Variants in SAFB observed in about 807,000 individuals in gnomAD.
SAFB encodes the protein scaffold attachment factor B, also known as scaffold attachment factor B1.
A neutral mutation model predicts 101.6 loss-of-function variants in SAFB; 15 were observed. That is an observed-to-expected ratio of 0.15 (90% CI 0.10 to 0.23). The LOEUF (loss-of-function observed/expected upper bound fraction) is 0.23, where lower values mean the gene tolerates loss of function less well. Among genes scored for constraint, SAFB ranks in the 10% least tolerant of loss-of-function variants. The probability of loss-of-function intolerance (pLI) is 1.00; values close to 1 mark genes in which losing one functional copy is unlikely to be tolerated. For synonymous variants in SAFB, 449 were observed against 407.5 expected, an observed-to-expected ratio of 1.10 and a Z score of -1.23; for missense variants, 930 against 1,104.1, an observed-to-expected ratio of 0.84 and a Z score of 2.23.
intron 4 of SAFB, among the ~76,000 whole-genome samples, chr19:5,644,158 A>G (rs1301283396): frequency 6.6e-6 from 1 of 151,806 alleles, no homozygotes; most frequent in African/African-American, 2.4e-5. Context: ...ACCTATTGAT[A>G]CTGTTGTCTA....
At position 5,626,392 on chromosome 19, in the gene SAFB, C is replaced by T; in HGVS notation, c.190-13C>T. ...GACTTTTTGGATCAACTTTACTTTT[C>T]CCTTCTTTTTAGGCAATTGAAGATG... On this transcript the variant is annotated splice_polypyrimidine_tract_variant and intron_variant, in intron 1 of 20. Transcript: ENST00000588852. 1 of 1,532,874 alleles carries T rather than the reference C, an allele frequency of 6.5e-7. No homozygotes were observed. Among genetic ancestry groups the T allele is most frequent in the Non-Finnish European group, 9.0e-7 (1 of 1,106,382 alleles). 95.0% of individuals were successfully genotyped at this position (1,532,874 alleles called of 1,614,324 possible). A position where few individuals can be genotyped will look rare whatever the true frequency, so the allele number is the denominator to read the frequency against.
chr19:5,628,167 C>T (rs918573265), intron 2 of SAFB, among the ~76,000 whole-genome samples: 5 of 152,052 alleles, frequency 3.3e-5, no homozygotes, highest in Admixed American at 1.3e-4. Flanking sequence ...AGGAGAATTG[C>T]CTGAACCCAG....
At chr19:5,627,944 A>G (rs887581202) in intron 2 of SAFB, among the ~76,000 whole-genome samples, 1 of 152,106 alleles carries the variant, frequency 6.6e-6, no homozygotes, top group African/African-American at 2.4e-5. Flanking sequence ...ACACTCAACT[A>G]TTGGCTTAAG....
rs1231570592 is a variant in SAFB, at chr19:5,668,220, A to G, written c.2683A>G (p.Met895Val). 6 of 1,610,096 alleles carry G rather than the reference A, an allele frequency of 3.7e-6. No individual in the cohort carries two copies. Among genetic ancestry groups the G allele is most frequent in the Non-Finnish European group, 5.1e-6 (6 of 1,179,172 alleles). ...SRGHPIPHGG[M>V]QGGFGGQSRG... is the part of the protein sequence containing the mutation. ...GGGCCACCCCATCCCACACGGTGGC[A>G]TGCAGGGCGGGTTTGGAGGCCAGAG... Residue 895 changes from methionine (M) to valine (V), a missense_variant, in exon 21 of 21, where the codon ATG (methionine) becomes GTG (valine). Physicochemically the swap from Met to Val is conservative, Grantham distance 21 (BLOSUM62 1). Coordinates refer to ENST00000588852, the MANE Select transcript of SAFB (RefSeq NM_001201338.2).
chr19:5,663,889 C>A, intron 15 of SAFB, 133 bp from the exon 16 acceptor site: 2 of 947,432 alleles, frequency 2.1e-6, no homozygotes, highest in Non-Finnish European at 1.6e-6. Context: ...TCAGACCTTG[C>A]CTCCTATAGG....
At position 5,667,707 on chromosome 19, in the gene SAFB, G is replaced by T; in HGVS notation, c.2558-113G>T. The T allele has an allele frequency of 9.9e-7, 1 of 1,010,684 alleles. No homozygotes were observed. The allele number at this position is 1,010,684 out of a possible 1,614,324, so 62.6% of individuals were successfully genotyped here. On this transcript the variant is annotated intron_variant, in intron 19 of 20. Transcript: ENST00000588852. This position sits in a 1 kb window ranked among gnomAD's most constrained non-coding sequence, Gnocchi z 4.0. ...GTGCCCAGGTGTCTTCCTGGGACCC[G>T]CTAGTTGTGGGTACCTGGGGGCCTC...
At chr19:5,633,122 A>G (rs1410281594) in intron 2 of SAFB, among the ~76,000 whole-genome samples, 3 of 152,090 alleles carry the variant, frequency 2.0e-5, no homozygotes, top group Admixed American at 6.5e-5. Flanking sequence ...CTGTCTATTC[A>G]TTTATTCTGG....
chr19:5,638,912 C>T (rs757579655), intron 2 of SAFB, among the ~76,000 whole-genome samples: 23 of 150,002 alleles, frequency 1.5e-4, no homozygotes, highest in African/African-American at 2.2e-4. Flanking sequence ...AGTAGAGACG[C>T]GGTTTTGCCA....
rs760238335 is a variant in SAFB, at chr19:5,667,080, A to G, written c.2369A>G (p.His790Arg). The G allele has an allele frequency of 6.2e-7, 1 of 1,612,494 alleles. No homozygotes were observed. The highest frequency in any genetic ancestry group is 1.7e-5 in the Admixed American group (1 of 60,006). Residue 790 changes from histidine to arginine, a missense_variant, in exon 18 of 21, where the codon CAC (histidine) becomes CGC (arginine). This residue lies in a region of SAFB where 318 missense variants were observed against 342.6 expected (regional missense o/e 0.93). Transcript: ENST00000588852. The surrounding 1 kb of genome is among the most constrained non-coding windows in gnomAD (Gnocchi z 4.0). ...YPERHGGPERHGRDSRDGWGG... is the reference protein window; with the variant it reads ...YPERHGGPERRGRDSRDGWGG... The stretch of plus-strand genomic sequence containing the variant: ...GAACGCCATGGAGGACCAGAGCGCC[A>G]CGGCCGGGACTCCCGCGATGGCTGG...
chr19:5,656,659 T>C (rs942089407), intron 13 of SAFB, among the ~76,000 whole-genome samples: 3 of 150,426 alleles, frequency 2.0e-5, no homozygotes, highest in East Asian at 2.0e-4. Context: ...TCACTGCAAC[T>C]ACTGCCTCCC....
At position 5,654,124 on chromosome 19, in the gene SAFB, C is replaced by A. The variant is rs74848969; in HGVS notation, c.1590C>A (p.Asp530Glu). ...AAGATGATGCTAAGAAGGGTGACGA[C>A]GGAAGTGGAGAAAAGAGTAAGGACC... is the stretch of plus-strand genomic sequence containing the variant. Reference protein sequence around the residue: ...DRKDDAKKGDDGSGEKSKDQD... With the variant: ...DRKDDAKKGDEGSGEKSKDQD... Residue 530 changes from aspartate to glutamate, a missense_variant, in exon 12 of 21, where the codon GAC (aspartate) becomes GAA (glutamate). Physicochemically the swap from Asp to Glu is conservative, Grantham distance 45 (BLOSUM62 2). This residue lies in a region of SAFB where 92 missense variants were observed against 83.8 expected (regional missense o/e 1.10). Coordinates refer to ENST00000588852, the MANE Select transcript of SAFB (RefSeq NM_001201338.2). 1 of 1,613,990 alleles carries A rather than the reference C, an allele frequency of 6.2e-7. No homozygotes were observed.
intron 15 of SAFB, among the ~76,000 whole-genome samples, chr19:5,662,226 G>A (rs551678100): frequency 6.6e-6 from 1 of 152,270 alleles, no homozygotes; most frequent in South Asian, 2.1e-4. Flanking sequence ...GGCCGGGTGC[G>A]CTAGTTCACG....
At chr19:5,664,812 C>T (rs1300738969) in intron 17 of SAFB, 1 of 266,100 alleles carries the variant, frequency 3.8e-6, no homozygotes, top group Non-Finnish European at 7.4e-6. Context: ...GTTGCTGTGT[C>T]TGTCCTCGAG....
chr19:5,641,850 CGAT>C lies in SAFB; in HGVS notation c.455_457del (p.Asp152del). ...GAAGCGTTGCAGATTGTGTCGAAGA[CGAT>C]GATGCTGATAACCTCCAGGAGTCCC... On this transcript the variant is annotated inframe_deletion, in exon 4 of 21. Coordinates refer to ENST00000588852, the MANE Select transcript of SAFB (RefSeq NM_001201338.2). 2 of 1,613,980 alleles carry C rather than the reference CGAT, an allele frequency of 1.2e-6. No individual in the cohort carries two copies. Among genetic ancestry groups the C allele is most frequent in the Non-Finnish European group, 1.7e-6 (2 of 1,179,950 alleles).
chr19:5,628,021 C>T (rs781727114), intron 2 of SAFB, among the ~76,000 whole-genome samples: 22 of 152,108 alleles, frequency 1.4e-4, no homozygotes, highest in Non-Finnish European at 1.3e-4. Flanking sequence ...GAGGTTGAGG[C>T]GGACTGGTCA....
intron 14 of SAFB, among the ~76,000 whole-genome samples, chr19:5,660,198 G>C (rs766173727): frequency 1.3e-5 from 2 of 151,872 alleles, no homozygotes; most frequent in Non-Finnish European, 2.9e-5. Flanking sequence ...AAACTGTGTG[G>C]TATTTCTGCA....
At chr19:5,660,962 T>C (rs984241047) in intron 14 of SAFB, among the ~76,000 whole-genome samples, 3 of 144,048 alleles carry the variant, frequency 2.1e-5, no homozygotes, top group South Asian at 2.2e-4. Context: ...TTTTTTTTTT[T>C]TCTGTTGCCG....
chr19:5,660,462 TCCTCCCACCTCTG>T (rs2054172005), intron 14 of SAFB, among the ~76,000 whole-genome samples: 1 of 149,008 alleles, frequency 6.7e-6, no homozygotes, highest in Admixed American at 6.9e-5. Context: ...AAGTGATTGA[TCCTCCCACCTCTG>T]CCTCCCAAGT....
chr19:5,650,019 C>T, intron 8 of SAFB, 44 bp downstream of exon 8: 1 of 1,483,806 alleles, frequency 6.7e-7, no homozygotes. Context: ...CATGTATGGC[C>T]TGGGCAGTGG....
Sources: gnomAD v4.1 joint callset for allele counts (sites outside exome capture counted in the v4.1 genomes callset) on GRCh38, gnomAD v4.1.1 for gene constraint, gnomAD v4.1.1 regional missense constraint, Gnocchi (gnomAD v3.1) non-coding constraint, MANE v1.5 for transcripts, NCBI Gene and HGNC (gene_info 2026-07-23, HGNC 2026-07-21) for gene names.